The following LRRTM4 variants were observed in gnomAD, a reference collection of about 807,000 sequenced individuals.
LRRTM4 encodes the protein leucine rich repeat transmembrane neuronal 4.
LRRTM4 carries 25 observed loss-of-function variants against 47.6 expected under a neutral mutation model. The ratio of observed to expected loss-of-function variants is 0.53; its 90% CI spans 0.38 to 0.73. The LOEUF is 0.73. LRRTM4 is among the 30% of genes least tolerant of loss of function. The pLI, the probability that LRRTM4 is intolerant of heterozygous loss-of-function variation, is 0.00. For synonymous variants in LRRTM4, 311 were observed against 269.5 expected, an observed-to-expected ratio of 1.15 and a Z score of -1.51; for missense variants, 638 against 713.4, an observed-to-expected ratio of 0.89 and a Z score of 1.20.
At chr2:77,277,201 C>T (rs1293090086) in intron 3 of LRRTM4, among the ~76,000 whole-genome samples, 1 of 151,952 alleles carries the variant, frequency 6.6e-6, no homozygotes, top group Non-Finnish European at 1.5e-5. Context: ...AAACCAATTA[C>T]AGATAGTTAT....
At chr2:77,016,522 A>G (rs1478586950) in intron 3 of LRRTM4, among the ~76,000 whole-genome samples, 1 of 152,146 alleles carries the variant, frequency 6.6e-6, no homozygotes, top group Admixed American at 6.5e-5. Context: ...GTAAGCCTAT[A>G]ATGTATTACA....
chr2:77,296,402 G>T (rs1269925205), intron 3 of LRRTM4, among the ~76,000 whole-genome samples: 1 of 152,006 alleles, frequency 6.6e-6, no homozygotes, highest in Non-Finnish European at 1.5e-5. Context: ...TATTTATTCA[G>T]TAACAGTATC....
At chr2:77,079,628 C>A (rs1189722567) in intron 3 of LRRTM4, among the ~76,000 whole-genome samples, 1 of 152,136 alleles carries the variant, frequency 6.6e-6, no homozygotes, top group African/African-American at 2.4e-5. Context: ...AGATTGGATA[C>A]CCCTGCTGAA....
At chr2:77,441,229 G>C (rs1675830171) in intron 3 of LRRTM4, among the ~76,000 whole-genome samples, 1 of 152,178 alleles carries the variant, frequency 6.6e-6, no homozygotes, top group African/African-American at 2.4e-5. Flanking sequence ...TGAATGCTCA[G>C]TAGAGCAAAG....
At position 76,748,941 on chromosome 2, in the gene LRRTM4, G is replaced by T. The variant is rs763066455; in HGVS notation, c.1552-25C>A. The T allele has an allele frequency of 4.4e-6, 7 of 1,586,350 alleles. 1 individual carries two copies. The Admixed American group carries it at 6.8e-5, about 15-fold the overall frequency. On this transcript the variant is annotated intron_variant, in intron 3 of 3. Transcript: ENST00000409884. Reference sequence around the variant, plus strand: ...TCTGGATATGAGAAATAGAAAGATGGGTGGATTATAAAATTGCTTTGGAAA... The same window carrying T: ...TCTGGATATGAGAAATAGAAAGATGTGTGGATTATAAAATTGCTTTGGAAA...
chr2:77,420,940 T>C (rs796406379), intron 3 of LRRTM4, among the ~76,000 whole-genome samples: 21 of 148,830 alleles, frequency 1.4e-4, no homozygotes, highest in African/African-American at 3.7e-4. Flanking sequence ...TTATATTCTC[T>C]GAATTATATT....
intron 3 of LRRTM4, among the ~76,000 whole-genome samples, chr2:76,887,616 T>C (rs1201681076): frequency 8.0e-5 from 12 of 150,394 alleles, no homozygotes; most frequent in Admixed American, 6.6e-4. Context: ...ATATATGATA[T>C]ATGATACACA....
rs182444542 is a variant in LRRTM4, at chr2:77,174,868, T to A, written c.1551+343450A>T. Among the ~76,000 whole-genome samples, 4 of 151,912 alleles carry A rather than the reference T, an allele frequency of 2.6e-5. No individual in the cohort carries two copies. In the East Asian group the frequency reaches 7.8e-4, roughly 30 times the overall value. On this transcript the variant is annotated intron_variant, in intron 3 of 3. Coordinates refer to ENST00000409884, the MANE Select transcript of LRRTM4 (RefSeq NM_001134745.3). ...GTGTCCATGTGTTCTCATTGTTCAATTCTCACCTTTTAGGAGAGGCCACAG... is the reference window on the plus strand; with the variant it reads ...GTGTCCATGTGTTCTCATTGTTCAAATCTCACCTTTTAGGAGAGGCCACAG...
intron 3 of LRRTM4, among the ~76,000 whole-genome samples, chr2:76,765,922 T>C (rs1673437052): frequency 6.6e-6 from 1 of 152,214 alleles, no homozygotes; most frequent in Non-Finnish European, 1.5e-5. Context: ...TTGTTAGTTC[T>C]TCTGCAGGTG....
chr2:77,136,678 G>A (rs980554280), intron 3 of LRRTM4, among the ~76,000 whole-genome samples: 14 of 152,036 alleles, frequency 9.2e-5, no homozygotes, highest in Admixed American at 5.9e-4. Context: ...AAATTTCTCC[G>A]AGCTAAAGGA....
At chr2:77,256,630 G>A (rs1391355432) in intron 3 of LRRTM4, among the ~76,000 whole-genome samples, 1 of 152,134 alleles carries the variant, frequency 6.6e-6, no homozygotes, top group East Asian at 1.9e-4. Flanking sequence ...ACATGACTTT[G>A]TTTCTCCTTG....
intron 3 of LRRTM4, among the ~76,000 whole-genome samples, chr2:76,911,633 AAAAG>A (rs1674059062): frequency 6.6e-6 from 1 of 152,104 alleles, no homozygotes; most frequent in South Asian, 2.1e-4. Context: ...AGAGAGAGAG[AAAAG>A]AAAGAGCCAG....
At chr2:77,247,025 T>C (rs191822314) in intron 3 of LRRTM4, among the ~76,000 whole-genome samples, 3 of 152,190 alleles carry the variant, frequency 2.0e-5, no homozygotes, top group African/African-American at 7.2e-5. Flanking sequence ...TTTTTAATAC[T>C]TTCAAAATCA....
intron 3 of LRRTM4, among the ~76,000 whole-genome samples, chr2:77,186,782 T>G (rs1449801262): frequency 2.6e-5 from 4 of 152,120 alleles, no homozygotes; most frequent in Admixed American, 1.3e-4. Flanking sequence ...AAATAATAAT[T>G]GGGGTCCAGC....
At chr2:76,768,994 G>A (rs188887195) in intron 3 of LRRTM4, among the ~76,000 whole-genome samples, 12 of 152,216 alleles carry the variant, frequency 7.9e-5, no homozygotes, top group African/African-American at 2.9e-4. Flanking sequence ...TTACAAAGAG[G>A]TTTGAACAAA....
At chr2:77,472,934 C>A (rs1406976930) in intron 3 of LRRTM4, among the ~76,000 whole-genome samples, 1 of 152,098 alleles carries the variant, frequency 6.6e-6, no homozygotes, top group Non-Finnish European at 1.5e-5. Flanking sequence ...TTGCTCACAG[C>A]AATCTCATAT....
chr2:77,260,373 T>TTG (rs1558658017), intron 3 of LRRTM4, among the ~76,000 whole-genome samples: 4 of 96,592 alleles, frequency 4.1e-5, no homozygotes, highest in Non-Finnish European at 4.2e-5. Context: ...TACCAAAAAA[T>TTG]CGTGTGTGTG....
chr2:77,049,101 G>T (rs1381771768), intron 3 of LRRTM4, among the ~76,000 whole-genome samples: 7 of 105,634 alleles, frequency 6.6e-5, no homozygotes, highest in African/African-American at 1.2e-4. Context: ...GTTTTTTTTT[G>T]ACTAAATAAT....
chr2:77,089,461 T>G (rs1436132823), intron 3 of LRRTM4, among the ~76,000 whole-genome samples: 3 of 151,584 alleles, frequency 2.0e-5, no homozygotes, highest in African/African-American at 7.3e-5. Flanking sequence ...CCCCAATCCC[T>G]TATTTCCGTG....
Sources: gnomAD v4.1 joint callset for allele counts (sites outside exome capture counted in the v4.1 genomes callset) on GRCh38, gnomAD v4.1.1 for gene constraint, MANE v1.5 for transcripts, NCBI Gene and HGNC (gene_info 2026-07-23, HGNC 2026-07-21) for gene names.